The following KHK variants were observed in gnomAD, a reference collection of about 807,000 sequenced individuals.
The protein encoded by KHK is ketohexokinase.
A neutral mutation model predicts 36.0 loss-of-function variants in KHK; 37 were observed. That is an observed-to-expected ratio of 1.03 (90% confidence interval 0.79 to 1.35). The LOEUF is 1.35. Among genes scored for constraint, KHK ranks in the 40% most tolerant of loss-of-function variants. KHK has a pLI of 0.00. For synonymous variants in KHK, 161 were observed against 162.8 expected (o/e 0.99, Z 0.08); for missense variants, 395 against 391.9 (o/e 1.01, Z -0.07).
Position 27,094,888 on chromosome 2 carries a change from A to G in KHK, c.298A>G (p.Ile100Val). 1 of 1,614,004 alleles carries G rather than the reference A, an allele frequency of 6.2e-7. No individual in the cohort carries two copies. Among genetic ancestry groups the G allele is most frequent in the South Asian group, 1.1e-5 (1 of 91,090 alleles). ...GGGGGACACCCCCAGCTCCTGCTGCATCATCAACAACTCCAATGGCAACCG... is the reference window on the plus strand; with the variant it reads ...GGGGGACACCCCCAGCTCCTGCTGCGTCATCAACAACTCCAATGGCAACCG... Reference protein sequence around the residue: ...SKGDTPSSCCIINNSNGNRTI... With the variant: ...SKGDTPSSCCVINNSNGNRTI... The change falls in exon 3 of 8, where the codon ATC (isoleucine) becomes GTC (valine). Residue 100 changes from isoleucine (I) to valine (V), a missense_variant. Physicochemically the swap from Ile to Val is conservative, Grantham distance 29. Coordinates refer to ENST00000260598, the MANE Select transcript of KHK (RefSeq NM_006488.3).
In KHK at chr2:27,087,484, A is replaced by G. The variant is rs959395053; in HGVS notation, c.92+133A>G. On this transcript the variant is annotated intron_variant, in intron 1 of 7. Coordinates refer to ENST00000260598, the MANE Select transcript of KHK (RefSeq NM_006488.3). Reference sequence around the variant, plus strand: ...CTTCAAGGCCGGACCCGCGCCCTCTACCCGGGAATCCTGGGGGGGCTCCCA... The same window carrying G: ...CTTCAAGGCCGGACCCGCGCCCTCTGCCCGGGAATCCTGGGGGGGCTCCCA... 5 of 611,464 alleles carry G rather than the reference A, an allele frequency of 8.2e-6. No individual in the cohort carries two copies. The African/African-American group carries it at 9.3e-5, about 11-fold the overall frequency. The allele number at this position is 611,464 out of a possible 1,614,324, so 37.9% of individuals were successfully genotyped here. A position where few individuals can be genotyped will look rare whatever the true frequency, so the allele number is the denominator to read the frequency against.
At chr2:27,091,039 G>C (rs1302457048) in intron 1 of KHK, among the ~76,000 whole-genome samples, 18 of 22,362 alleles carry the variant, frequency 8.0e-4, no homozygotes. Flanking sequence ...CTGGGTGACA[G>C]AGTGACTCTG....
chr2:27,099,106 G>A, intron 5 of KHK, 90 bp from the exon 6 acceptor site: 9 of 1,068,440 alleles, frequency 8.4e-6, no homozygotes, highest in Non-Finnish European at 1.3e-5. Context: ...ACATGTTGGG[G>A]GAGTCGTGTT....
chr2:27,093,271 A>C (rs1670122197), intron 2 of KHK, among the ~76,000 whole-genome samples: 3 of 152,282 alleles, frequency 2.0e-5, no homozygotes, highest in African/African-American at 7.2e-5. Context: ...AAGAGAATAG[A>C]GGGAGAGAAT....
intron 1 of KHK, among the ~76,000 whole-genome samples, chr2:27,088,913 A>C (rs1321514077): frequency 1.3e-5 from 2 of 152,000 alleles, no homozygotes; most frequent in African/African-American, 2.4e-5. Flanking sequence ...TCAAGACTGA[A>C]CTCCACAAAG....
chr2:27,087,218 A>G lies in KHK; in HGVS notation c.-42A>G, dbSNP rs1572852115. ...GGATAAGAGGCAGAGGCCGGGAGGA[A>G]CCCCGTCAGCCGGGCGGGCAGGAAG... On this transcript the variant is annotated 5_prime_UTR_variant, in exon 1 of 8. Coordinates refer to ENST00000260598, the MANE Select transcript of KHK (RefSeq NM_006488.3). The G allele has an allele frequency of 6.6e-7, 1 of 1,516,630 alleles. No individual in the cohort carries two copies. The highest frequency in any genetic ancestry group is 9.0e-7 in the Non-Finnish European group (1 of 1,113,482). The allele number at this position is 1,516,630 out of a possible 1,614,324, so 93.9% of individuals were successfully genotyped here. A position where few individuals can be genotyped will look rare whatever the true frequency, so the allele number is the denominator to read the frequency against.
At chr2:27,096,700 T>C (rs373102890) in intron 3 of KHK, 29 bp from the exon 4 acceptor site, 207 of 1,596,286 alleles carry the variant, frequency 1.3e-4, no homozygotes, top group African/African-American at 2.7e-5. Context: ...ATGCTCCTTC[T>C]TCTCTGTCTT....
intron 2 of KHK, chr2:27,094,408 G>A: frequency 6.3e-7 from 1 of 1,597,954 alleles, no homozygotes; most frequent in Non-Finnish European, 8.5e-7. Context: ...TAGTGGCCCT[G>A]CCAGCTACCC....
At chr2:27,090,452 C>CTTTTTTTTTT (rs559420015) in intron 1 of KHK, among the ~76,000 whole-genome samples, 13 of 110,118 alleles carry the variant, frequency 1.2e-4, no homozygotes, top group East Asian at 2.7e-4. Flanking sequence ...TTTTTTCTTT[C>CTTTTTTTTTT]TTTTTTTTTT....
intron 3 of KHK, 137 bp downstream of exon 3, chr2:27,095,071 G>T: frequency 2.0e-6 from 2 of 1,007,196 alleles, no homozygotes; most frequent in Admixed American, 1.8e-5. Context: ...CTGCCAAAAT[G>T]TCCAGTGATT....
intron 1 of KHK, 136 bp downstream of exon 1, chr2:27,087,487 C>G (rs983818062): frequency 3.3e-6 from 2 of 598,722 alleles, no homozygotes; most frequent in Non-Finnish European, 5.8e-6. Flanking sequence ...GCCCTCTACC[C>G]GGGAATCCTG....
rs955950877 is a variant in KHK, at chr2:27,087,051, G to A, written c.-209G>A. ...CCTCTGGGTTGGCTTTCCTAGACCC[G>A]CTCGGGTCTTCGGGTGTCGCGAGGA... is the stretch of plus-strand genomic sequence containing the variant. On this transcript the variant is annotated 5_prime_UTR_variant, in exon 1 of 8. Coordinates refer to ENST00000260598, the MANE Select transcript of KHK (RefSeq NM_006488.3). 4 of 528,452 alleles carry A rather than the reference G, an allele frequency of 7.6e-6. No individual in the cohort carries two copies. Among genetic ancestry groups the A allele is most frequent in the Admixed American group, 3.2e-5 (1 of 31,074 alleles). 32.7% of individuals were successfully genotyped at this position (528,452 alleles called of 1,614,324 possible).
chr2:27,094,636 C>G (rs753540628), intron 2 of KHK, 164 bp from the exon 3 acceptor site: 1 of 1,613,968 alleles, frequency 6.2e-7, no homozygotes, highest in Admixed American at 1.7e-5. Flanking sequence ...CTGTGCCTTG[C>G]CAGCTGCTGC....
rs1670645599 is a variant in KHK, at chr2:27,099,446, A to T, written c.680A>T (p.Glu227Val). The stretch of plus-strand genomic sequence containing the variant: ...GCTGTGCTTGTCTGTGCCTGGGCTG[A>T]GGAGGGCGCCGACGCCCTGGGCCCT... ...KGAVLVCAWA[E>V]EGADALGPDG... The change falls in exon 7 of 8, where the codon GAG (glutamate) becomes GTG (valine). Residue 227 changes from glutamate (E) to valine (V), a missense_variant. Transcript: ENST00000260598. 1 of 1,613,654 alleles carries T rather than the reference A, an allele frequency of 6.2e-7. No homozygotes were observed. The highest frequency in any genetic ancestry group is 8.5e-7 in the Non-Finnish European group (1 of 1,179,622).
In KHK at chr2:27,100,559, C is replaced by T. The variant is rs576618906; in HGVS notation, c.*809C>T. 4.7e-6 allele frequency: 6 copies of T among 1,289,096 alleles called. No individual in the cohort carries two copies. The African/African-American group carries it at 9.1e-5, about 20-fold the overall frequency. 79.9% of individuals were successfully genotyped at this position (1,289,096 alleles called of 1,614,324 possible). ...GGGTAAGGCCTTATAATGTAAAGAG[C>T]ATATAATGTAAAGGGCTTTAGAGTG... On this transcript the variant is annotated 3_prime_UTR_variant, in exon 8 of 8. Transcript: ENST00000260598.
At chr2:27,096,138 G>C (rs1670320018) in intron 3 of KHK, among the ~76,000 whole-genome samples, 1 of 152,242 alleles carries the variant, frequency 6.6e-6, no homozygotes, top group Admixed American at 6.5e-5. Flanking sequence ...CTTTGGCTGA[G>C]TTGAGGTCTC....
At chr2:27,095,785 C>T (rs1670297686) in intron 3 of KHK, among the ~76,000 whole-genome samples, 1 of 152,230 alleles carries the variant, frequency 6.6e-6, no homozygotes, top group South Asian at 2.1e-4. Flanking sequence ...CATCCCTGGG[C>T]TTCATATGTG....
At chr2:27,093,217 C>A (rs979054567) in intron 2 of KHK, among the ~76,000 whole-genome samples, 2 of 152,208 alleles carry the variant, frequency 1.3e-5, no homozygotes, top group Admixed American at 1.3e-4. Flanking sequence ...AGAGTCCAAC[C>A]ACCTGAGCTA....
At position 27,091,991 on chromosome 2, in the gene KHK, T is replaced by A. The variant is rs138073722; in HGVS notation, c.93-341T>A. ...AAAGGTGCAGCGTCTGGAGCAGCTC[T>A]GACTGGGGTGAAAGGTGAGGAGGAG... is the stretch of plus-strand genomic sequence containing the variant. On this transcript the variant is annotated intron_variant, in intron 1 of 7. Transcript: ENST00000260598. Among the ~76,000 whole-genome samples the A allele has an allele frequency of 4.1e-3, 629 of 152,328 alleles. 3 individuals carry two copies. Among genetic ancestry groups the A allele is most frequent in the African/African-American group, 0.014 (589 of 41,570 alleles).
Sources: gnomAD v4.1 joint callset for allele counts (sites outside exome capture counted in the v4.1 genomes callset) on GRCh38, gnomAD v4.1.1 for gene constraint, MANE v1.5 for transcripts, NCBI Gene and HGNC (gene_info 2026-07-23, HGNC 2026-07-21) for gene names.